Variants in ZNF804A observed in about 807,000 individuals in gnomAD.
The protein encoded by ZNF804A is zinc finger protein 804A.
Under a neutral mutation model 16.5 loss-of-function variants are expected in ZNF804A, and 2 were observed. The observed-to-expected ratio is 0.12, with a 90% CI of 0.05 to 0.38. The LOEUF is 0.38. Ranked by LOEUF, ZNF804A falls within the 10% of genes least tolerant of loss-of-function variation. The probability of loss-of-function intolerance (pLI) is 0.99; values close to 1 mark genes in which losing one functional copy is unlikely to be tolerated. For missense variants in ZNF804A, 1,473 were observed against 1,390.7 expected (o/e 1.06, Z -0.94); for synonymous variants, 534 against 489.6 (o/e 1.09, Z -1.20).
At chr2:184,823,466 A>G (rs1695115922) in intron 1 of ZNF804A, among the ~76,000 whole-genome samples, 1 of 152,136 alleles carries the variant, frequency 6.6e-6, no homozygotes, top group Admixed American at 6.6e-5. Context: ...TTTGTTACTG[A>G]TAGTAGTATT....
chr2:184,731,132 TC>T (rs943273077), intron 1 of ZNF804A, among the ~76,000 whole-genome samples: 44 of 150,904 alleles, frequency 2.9e-4, no homozygotes, highest in African/African-American at 1.1e-3. Context: ...GCGCCTGTAA[TC>T]CCAGCTACTC....
intron 2 of ZNF804A, among the ~76,000 whole-genome samples, chr2:184,932,372 C>A (rs182930945): frequency 3.9e-4 from 59 of 152,232 alleles, no homozygotes; most frequent in African/African-American, 1.4e-3. Flanking sequence ...AAAGGCCTCA[C>A]AATCTTGGTG....
At chr2:184,688,915 G>A (rs1429219958) in intron 1 of ZNF804A, among the ~76,000 whole-genome samples, 1 of 152,032 alleles carries the variant, frequency 6.6e-6, no homozygotes, top group African/African-American at 2.4e-5. Flanking sequence ...AAATATTTCT[G>A]ATTTGTTTGG....
At chr2:184,849,547 C>T (rs1000803969) in intron 1 of ZNF804A, among the ~76,000 whole-genome samples, 11 of 151,874 alleles carry the variant, frequency 7.2e-5, no homozygotes, top group African/African-American at 2.7e-4. Flanking sequence ...CCATCTTTCC[C>T]CAGTTAAAAT....
intron 1 of ZNF804A, among the ~76,000 whole-genome samples, chr2:184,693,916 CAACT>C (rs1001460719): frequency 6.8e-6 from 1 of 146,782 alleles, no homozygotes; most frequent in African/African-American, 2.5e-5. Flanking sequence ...ATCGATGATG[CAACT>C]AACTTAGTCT....
intron 1 of ZNF804A, among the ~76,000 whole-genome samples, chr2:184,625,711 A>G (rs976416257): frequency 6.6e-6 from 1 of 152,112 alleles, no homozygotes. Context: ...GTACTCTTTC[A>G]CTAACTTATT....
At chr2:184,676,076 T>C (rs762321100) in intron 1 of ZNF804A, among the ~76,000 whole-genome samples, 18 of 151,880 alleles carry the variant, frequency 1.2e-4, no homozygotes, top group Non-Finnish European at 2.4e-4. Context: ...TACATGAAAG[T>C]AACCAAATCA....
rs2105811268 is a variant in ZNF804A at position 184,866,434 on chromosome 2, T to C, written c.177T>C (p.Cys59=). ...AAGATCTGAAGGCAAATTTTTACTG[T>C]GAACTCTGTGACAAGCAGTACTATA... The part of the protein sequence containing the change: ...ALEDLKANFY[C]ELCDKQYYKH... The change falls in exon 2 of 4, where the codon TGT becomes TGC. Residue 59 remains cysteine (C), a synonymous_variant. Coordinates refer to ENST00000302277, the MANE Select transcript of ZNF804A (RefSeq NM_194250.2). 1 of 1,613,274 alleles carries C rather than the reference T, an allele frequency of 6.2e-7. No homozygotes were observed. The highest frequency in any genetic ancestry group is 1.1e-5 in the South Asian group (1 of 91,054).
At chr2:184,928,074 G>A (rs948253409) in intron 2 of ZNF804A, among the ~76,000 whole-genome samples, 3 of 151,996 alleles carry the variant, frequency 2.0e-5, no homozygotes, top group South Asian at 4.2e-4. Flanking sequence ...ACCACAACTG[G>A]GAATATGCTG....
At chr2:184,741,331 A>G (rs922782593) in intron 1 of ZNF804A, among the ~76,000 whole-genome samples, 14 of 152,198 alleles carry the variant, frequency 9.2e-5, no homozygotes, top group African/African-American at 1.2e-4. Flanking sequence ...AGACAGCACT[A>G]ACTTTCCTGG....
At chr2:184,780,358 A>G (rs936493817) in intron 1 of ZNF804A, among the ~76,000 whole-genome samples, 23 of 151,854 alleles carry the variant, frequency 1.5e-4, no homozygotes, top group African/African-American at 5.3e-4. Flanking sequence ...AATAATTTAT[A>G]TGCTACGTTT....
chr2:184,871,018 C>A (rs1695965991), intron 2 of ZNF804A, among the ~76,000 whole-genome samples: 1 of 150,982 alleles, frequency 6.6e-6, no homozygotes, highest in Non-Finnish European at 1.5e-5. Flanking sequence ...GATTTAAGAG[C>A]AAATAACACT....
chr2:184,745,868 G>A (rs1693782349), intron 1 of ZNF804A, among the ~76,000 whole-genome samples: 1 of 151,552 alleles, frequency 6.6e-6, no homozygotes, highest in South Asian at 2.1e-4. Flanking sequence ...AACAAAGAAT[G>A]TAATCAATGT....
intron 2 of ZNF804A, among the ~76,000 whole-genome samples, chr2:184,930,623 G>C (rs1006817325): frequency 1.2e-4 from 18 of 152,264 alleles, no homozygotes; most frequent in African/African-American, 4.1e-4. Context: ...GGGAAATTCA[G>C]ATTTACAATC....
At chr2:184,624,604 AGG>A (rs1299900868) in intron 1 of ZNF804A, among the ~76,000 whole-genome samples, 1 of 152,170 alleles carries the variant, frequency 6.6e-6, no homozygotes, top group Admixed American at 6.5e-5. Flanking sequence ...CAGAGGTTCC[AGG>A]TTGTAACTAA....
chr2:184,786,423 A>C (rs568679167), intron 1 of ZNF804A, among the ~76,000 whole-genome samples: 1 of 152,186 alleles, frequency 6.6e-6, no homozygotes, highest in East Asian at 1.9e-4. Context: ...TGGACTAGTC[A>C]TTTTGAATGT....
chr2:184,836,304 A>AG (rs1304369090), intron 1 of ZNF804A, among the ~76,000 whole-genome samples: 1 of 152,104 alleles, frequency 6.6e-6, no homozygotes, highest in East Asian at 1.9e-4. Flanking sequence ...GTTTCCTAAA[A>AG]AGGAGCATCC....
At chr2:184,790,365 T>C (rs6716235) in intron 1 of ZNF804A, among the ~76,000 whole-genome samples, 50,634 of 151,834 alleles carry the variant, frequency 0.33, 11,827 homozygotes, top group African/African-American at 0.66. Context: ...AGGTCCATTT[T>C]GTCTATATCC....
rs1691156030 is a variant in ZNF804A, at chr2:184,606,890, T to A, written c.111+7820T>A. Among the ~76,000 whole-genome samples the A allele has an allele frequency of 2.0e-5, 3 of 152,118 alleles. No homozygotes were observed. In the South Asian group the frequency reaches 6.2e-4, roughly 31 times the overall value. ...ACACACATATCATATTGTTCCTATG[T>A]TTCTGGAGACCCTTAACTGATACAG... is the stretch of plus-strand genomic sequence containing the variant. On this transcript the variant is annotated intron_variant, in intron 1 of 3. Coordinates refer to ENST00000302277, the MANE Select transcript of ZNF804A (RefSeq NM_194250.2).
Sources: gnomAD v4.1 joint callset for allele counts (sites outside exome capture counted in the v4.1 genomes callset) on GRCh38, gnomAD v4.1.1 for gene constraint, MANE v1.5 for transcripts, NCBI Gene and HGNC (gene_info 2026-07-23, HGNC 2026-07-21) for gene names.